Variants in HECTD4 observed in about 807,000 individuals in gnomAD.
HECTD4 encodes the protein probable E3 ubiquitin-protein ligase HECTD4.
HECTD4 carries 114 observed loss-of-function variants against 471.5 expected under a neutral mutation model. The observed-to-expected ratio is 0.24, with a 90% CI of 0.21 to 0.28. The LOEUF is 0.28. Among genes scored for constraint, HECTD4 ranks in the 10% least tolerant of loss-of-function variants. The probability of loss-of-function intolerance (pLI) is 1.00; values close to 1 mark genes in which losing one functional copy is unlikely to be tolerated. For missense variants in HECTD4, 3,866 were observed against 5,651.5 expected, an observed-to-expected ratio of 0.68 and a Z score of 10.13; for synonymous variants, 2,012 against 2,256.0, an observed-to-expected ratio of 0.89 and a Z score of 3.07.
chr12:112,206,125 G>A (rs1422030024), intron 52 of HECTD4, among the ~76,000 whole-genome samples: 1 of 152,134 alleles, frequency 6.6e-6, no homozygotes, highest in Non-Finnish European at 1.5e-5. Flanking sequence ...ATTATGGGAG[G>A]AAAGCAAAAT....
In HECTD4 at chr12:112,171,243, G is replaced by A. The variant is rs754615431; in HGVS notation, c.11806C>T (p.Arg3936Cys). Residue 3936 changes from arginine to cysteine, a missense_variant, in exon 68 of 76, where the codon CGC (arginine) becomes TGC (cysteine). Physicochemically the swap from Arg to Cys is radical, Grantham distance 180 (BLOSUM62 -3). Coordinates refer to ENST00000682272, the MANE Select transcript of HECTD4 (RefSeq NM_001388303.1). The stretch of plus-strand genomic sequence containing the variant: ...GACTGCAGCAAGGCGAAGCGCAGGC[G>A]CAGGCTCTCGATGGGCACGTCTGAG... The part of the protein sequence containing the change: ...CLLNVPIESL[R>C]LRFALLQSLN... 3.1e-6 allele frequency: 5 copies of A among 1,608,530 alleles called. No homozygotes were observed. The highest frequency in any genetic ancestry group is 1.3e-5 in the African/African-American group (1 of 75,004).
At chr12:112,198,515 A>G (rs890082553) in intron 55 of HECTD4, among the ~76,000 whole-genome samples, 1 of 152,090 alleles carries the variant, frequency 6.6e-6, no homozygotes, top group African/African-American at 2.4e-5. Flanking sequence ...TGTTGTGGAG[A>G]GGAGAGTTGA....
chr12:112,283,956 T>C (rs1404356822), intron 7 of HECTD4, among the ~76,000 whole-genome samples: 1 of 132,366 alleles, frequency 7.6e-6, no homozygotes, highest in East Asian at 2.0e-4. Flanking sequence ...TTCTTTCTTC[T>C]TTTTTTTTTT....
At chr12:112,345,396 A>G (rs2036130750) in intron 1 of HECTD4, among the ~76,000 whole-genome samples, 1 of 152,166 alleles carries the variant, frequency 6.6e-6, no homozygotes, top group African/African-American at 2.4e-5. Context: ...AACAAAACCA[A>G]CCAACCAAAC....
chr12:112,218,659 A>G (rs1218414828), intron 45 of HECTD4, among the ~76,000 whole-genome samples: 1 of 152,160 alleles, frequency 6.6e-6, no homozygotes, highest in East Asian at 1.9e-4. Context: ...GTTGATGTAT[A>G]TTTGCAGTTT....
Position 112,381,057 on chromosome 12 carries a change from G to T in HECTD4, c.177+895C>A, listed in dbSNP as rs972474934. ...AAAATGTCATCCCACAAAGTGGAAGGGGAGCAGTGTCAGCATCCGTTGGCC... is the reference window on the plus strand; with the variant it reads ...AAAATGTCATCCCACAAAGTGGAAGTGGAGCAGTGTCAGCATCCGTTGGCC... On this transcript the variant is annotated intron_variant, in intron 1 of 75. Coordinates refer to ENST00000682272, the MANE Select transcript of HECTD4 (RefSeq NM_001388303.1). The surrounding 1 kb of genome is among the most constrained non-coding windows in gnomAD (Gnocchi z 4.1). Among the ~76,000 whole-genome samples the T allele has an allele frequency of 6.6e-6, 1 of 152,120 alleles. No individual in the cohort carries two copies. Among genetic ancestry groups the T allele is most frequent in the African/African-American group, 2.4e-5 (1 of 41,418 alleles).
intron 21 of HECTD4, among the ~76,000 whole-genome samples, chr12:112,255,670 A>G (rs2033991436): frequency 6.6e-6 from 1 of 152,158 alleles, no homozygotes; most frequent in South Asian, 2.1e-4. Flanking sequence ...GCTATTAGAT[A>G]ATCCTCCAAC....
chr12:112,353,740 TAAGTTCTA>T (rs573421019), intron 1 of HECTD4, among the ~76,000 whole-genome samples: 1 of 152,302 alleles, frequency 6.6e-6, no homozygotes, highest in Non-Finnish European at 1.5e-5. Flanking sequence ...AAACCCAAAA[TAAGTTCTA>T]AACTTCAGCT....
chr12:112,350,712 C>T (rs188553610), intron 1 of HECTD4, among the ~76,000 whole-genome samples: 158 of 152,272 alleles, frequency 1.0e-3, no homozygotes, highest in African/African-American at 3.6e-3. Flanking sequence ...AAAAATAATA[C>T]AATTTTAAAA....
chr12:112,283,549 A>G (rs2034689112), intron 7 of HECTD4, among the ~76,000 whole-genome samples: 1 of 152,218 alleles, frequency 6.6e-6, no homozygotes, highest in Non-Finnish European at 1.5e-5. Context: ...TTGTTGATTA[A>G]AATTCCTTAC....
chr12:112,249,768 C>A, intron 25 of HECTD4: 1 of 241,224 alleles, frequency 4.1e-6, no homozygotes, highest in Non-Finnish European at 8.1e-6. Context: ...AAAGTAGAGG[C>A]TGACTGCTAG....
At chr12:112,324,229 C>T (rs907405361) in intron 1 of HECTD4, among the ~76,000 whole-genome samples, 3 of 150,276 alleles carry the variant, frequency 2.0e-5, no homozygotes, top group Non-Finnish European at 4.4e-5. Flanking sequence ...GGTCAATCAT[C>T]CCACCTCAGC....
chr12:112,245,252 C>A (rs1187074131), intron 29 of HECTD4, among the ~76,000 whole-genome samples: 1 of 152,228 alleles, frequency 6.6e-6, no homozygotes, highest in African/African-American at 2.4e-5. Flanking sequence ...ATCCTCCTGC[C>A]TTGGCCTCCC....
intron 64 of HECTD4, among the ~76,000 whole-genome samples, chr12:112,177,288 T>A (rs912434720): frequency 6.6e-6 from 1 of 152,198 alleles, no homozygotes; most frequent in African/African-American, 2.4e-5. Context: ...CAAGGTTTCA[T>A]CTCTGTGTAC....
intron 55 of HECTD4, among the ~76,000 whole-genome samples, chr12:112,196,054 C>T (rs1314010427): frequency 1.3e-5 from 2 of 152,120 alleles, no homozygotes; most frequent in Non-Finnish European, 2.9e-5. Context: ...GGTGGGAGGA[C>T]TGCTGAGCCC....
At chr12:112,242,112 C>T (rs2033654664) in intron 32 of HECTD4, among the ~76,000 whole-genome samples, 1 of 152,036 alleles carries the variant, frequency 6.6e-6, no homozygotes, top group African/African-American at 2.4e-5. Context: ...GAGTTAGTAT[C>T]TATGATTACA....
intron 1 of HECTD4, among the ~76,000 whole-genome samples, chr12:112,340,536 T>G (rs1368675945): frequency 5.9e-5 from 9 of 152,150 alleles, no homozygotes; most frequent in African/African-American, 1.9e-4. Flanking sequence ...ATAGACGAGC[T>G]ACTGGCATCT....
At chr12:112,214,362 C>T (rs1417408073) in intron 48 of HECTD4, among the ~76,000 whole-genome samples, 1 of 152,194 alleles carries the variant, frequency 6.6e-6, no homozygotes, top group Non-Finnish European at 1.5e-5. Context: ...ATCACAGAGT[C>T]TCCTATGGCT....
chr12:112,190,194 A>C (rs768123846), intron 60 of HECTD4, among the ~76,000 whole-genome samples: 1 of 152,202 alleles, frequency 6.6e-6, no homozygotes, highest in African/African-American at 2.4e-5. Context: ...CCTCTACTAC[A>C]TATCTGTCTA....
Sources: gnomAD v4.1 joint callset for allele counts (sites outside exome capture counted in the v4.1 genomes callset) on GRCh38, gnomAD v4.1.1 for gene constraint, Gnocchi (gnomAD v3.1) non-coding constraint, MANE v1.5 for transcripts, NCBI Gene and HGNC (gene_info 2026-07-23, HGNC 2026-07-21) for gene names.